The following WWOX variants were observed in gnomAD, a reference collection of about 807,000 sequenced individuals.
WWOX encodes the protein WW domain containing oxidoreductase, also known as WW domain-containing oxidoreductase.
WWOX carries 69 observed loss-of-function variants against 46.2 expected under a neutral mutation model. The ratio of observed to expected loss-of-function variants is 1.49; its 90% CI spans 1.23 to 1.82. The LOEUF is 1.82. WWOX is among the 40% of genes most tolerant of loss of function. The pLI is 0.00. For synonymous variants in WWOX, 359 were observed against 202.6 expected (o/e 1.77, Z -6.56); for missense variants, 919 against 542.6 (o/e 1.69, Z -6.89).
At chr16:78,570,775 G>A (rs1373258304) in intron 8 of WWOX, among the ~76,000 whole-genome samples, 1 of 152,156 alleles carries the variant, frequency 6.6e-6, no homozygotes, top group African/African-American at 2.4e-5. Context: ...TATTCCAGTG[G>A]CGATACATTT....
intron 8 of WWOX, among the ~76,000 whole-genome samples, chr16:78,782,043 C>G (rs771940961): frequency 2.6e-5 from 4 of 152,192 alleles, no homozygotes; most frequent in Admixed American, 6.5e-5. Flanking sequence ...TTGGTGAACT[C>G]TCTGTCTTTG....
intron 8 of WWOX, among the ~76,000 whole-genome samples, chr16:78,541,224 C>A (rs1345713646): frequency 6.6e-6 from 1 of 151,780 alleles, no homozygotes. Flanking sequence ...CCTGTAATCC[C>A]AGCACTCTGG....
At chr16:78,729,978 G>A (rs57150307) in intron 8 of WWOX, among the ~76,000 whole-genome samples, 7 of 152,046 alleles carry the variant, frequency 4.6e-5, no homozygotes, top group African/African-American at 9.7e-5. Flanking sequence ...CTCATCCCTC[G>A]AAGCTGCCAC....
intron 8 of WWOX, among the ~76,000 whole-genome samples, chr16:78,845,306 A>C (rs2052270272): frequency 6.6e-6 from 1 of 152,176 alleles, no homozygotes; most frequent in Non-Finnish European, 1.5e-5. Flanking sequence ...GGTGAAGACC[A>C]ACAAGGTTTC....
intron 8 of WWOX, among the ~76,000 whole-genome samples, chr16:78,724,831 C>T (rs560885634): frequency 6.6e-6 from 1 of 152,298 alleles, no homozygotes; most frequent in South Asian, 2.1e-4. Context: ...TCAGACATAT[C>T]TCCATCTGAT....
At chr16:78,914,143 A>G (rs572943283) in intron 8 of WWOX, among the ~76,000 whole-genome samples, 3 of 152,184 alleles carry the variant, frequency 2.0e-5, no homozygotes, top group Admixed American at 6.5e-5. Context: ...TCCTGTCCAA[A>G]GTCACTACTC....
chr16:78,433,776 A>C (rs1362440495), intron 8 of WWOX, among the ~76,000 whole-genome samples: 6 of 96,486 alleles, frequency 6.2e-5, no homozygotes, highest in Admixed American at 1.1e-4. Context: ...TTTGGGGATG[A>C]CTTTTTTTTT....
intron 8 of WWOX, among the ~76,000 whole-genome samples, chr16:78,676,536 T>A (rs1222704824): frequency 6.6e-6 from 1 of 152,070 alleles, no homozygotes; most frequent in Non-Finnish European, 1.5e-5. Flanking sequence ...CAACTCAAAG[T>A]CTACAGTCTA....
intron 8 of WWOX, among the ~76,000 whole-genome samples, chr16:78,836,534 G>T (rs2051989456): frequency 6.6e-6 from 1 of 152,184 alleles, no homozygotes; most frequent in South Asian, 2.1e-4. Flanking sequence ...TGTTTAGTAA[G>T]TCATCTATGT....
chr16:78,135,519 C>T (rs919298272), intron 4 of WWOX, among the ~76,000 whole-genome samples: 1 of 152,118 alleles, frequency 6.6e-6, no homozygotes, highest in Non-Finnish European at 1.5e-5. Context: ...TAGAAGCCAG[C>T]TTTACTGACT....
chr16:78,475,309 T>A (rs182432140), intron 8 of WWOX, among the ~76,000 whole-genome samples: 5 of 152,238 alleles, frequency 3.3e-5, no homozygotes, highest in Non-Finnish European at 7.3e-5. Context: ...TTGTGCTGTT[T>A]TGGGCTCTCC....
intron 8 of WWOX, among the ~76,000 whole-genome samples, chr16:79,059,078 C>G (rs990441583): frequency 6.6e-6 from 1 of 152,142 alleles, no homozygotes; most frequent in Non-Finnish European, 1.5e-5. Flanking sequence ...GAAATATCTC[C>G]TTTTGAAAAT....
intron 8 of WWOX, among the ~76,000 whole-genome samples, chr16:78,887,267 C>T (rs1428735171): frequency 1.3e-5 from 2 of 151,924 alleles, no homozygotes; most frequent in South Asian, 2.1e-4. Flanking sequence ...TTTCATTATA[C>T]CAGCAATTCC....
intron 8 of WWOX, among the ~76,000 whole-genome samples, chr16:78,959,166 A>G (rs998951654): frequency 1.3e-5 from 2 of 152,224 alleles, no homozygotes; most frequent in African/African-American, 4.8e-5. Flanking sequence ...TGAAAGTAAA[A>G]TATCAATGGG....
chr16:79,155,624 C>T (rs2050366122), intron 8 of WWOX, among the ~76,000 whole-genome samples: 1 of 151,508 alleles, frequency 6.6e-6, no homozygotes, highest in South Asian at 2.1e-4. Context: ...GGCTTTTACT[C>T]AATGATACAG....
chr16:78,141,320 A>C (rs372559010), intron 4 of WWOX, among the ~76,000 whole-genome samples: 12 of 152,266 alleles, frequency 7.9e-5, no homozygotes, highest in African/African-American at 2.9e-4. Flanking sequence ...TGTTTTGTCA[A>C]GTATACAACA....
chr16:78,632,917 A>T (rs560243197), intron 8 of WWOX, among the ~76,000 whole-genome samples: 2 of 152,100 alleles, frequency 1.3e-5, no homozygotes, highest in South Asian at 4.2e-4. Flanking sequence ...ATAGAAAGGT[A>T]GGGCCATGTT....
intron 8 of WWOX, among the ~76,000 whole-genome samples, chr16:78,919,837 G>C (rs2045337372): frequency 6.6e-6 from 1 of 152,040 alleles, no homozygotes; most frequent in Non-Finnish European, 1.5e-5. Context: ...TTTCTTATGT[G>C]GGGATCCTGG....
chr16:78,210,020 A>G (rs1457080812), intron 5 of WWOX, among the ~76,000 whole-genome samples: 1 of 152,198 alleles, frequency 6.6e-6, no homozygotes, highest in Non-Finnish European at 1.5e-5. Flanking sequence ...GGAAAAAAGT[A>G]CGAGAAAAGC....
Sources: gnomAD v4.1 joint callset for allele counts (sites outside exome capture counted in the v4.1 genomes callset) on GRCh38, gnomAD v4.1.1 for gene constraint, MANE v1.5 for transcripts, NCBI Gene and HGNC (gene_info 2026-07-23, HGNC 2026-07-21) for gene names.